Variants in P3H2 observed in about 807,000 individuals in gnomAD.
P3H2 encodes the protein prolyl 3-hydroxylase 2.
P3H2 carries 80 observed loss-of-function variants against 87.0 expected under a neutral mutation model. That is an observed-to-expected ratio of 0.92 (90% CI 0.77 to 1.11). The LOEUF (loss-of-function observed/expected upper bound fraction) is 1.11. Ranked by LOEUF, P3H2 falls within the 50% of genes least tolerant of loss-of-function variation. P3H2 has a pLI of 0.00. For missense variants in P3H2, 1,001 were observed against 923.9 expected (o/e 1.08, Z -1.08); for synonymous variants, 367 against 359.3 (o/e 1.02, Z -0.24).
chr3:190,095,590 G>T (rs1394248425), intron 1 of P3H2, among the ~76,000 whole-genome samples: 23 of 147,066 alleles, frequency 1.6e-4, no homozygotes, highest in African/African-American at 5.1e-4. Context: ...AAAACAAGTT[G>T]TGATTCCTTT....
chr3:189,995,588 A>G, intron 1 of P3H2, 146 bp from the exon 2 acceptor site: 1 of 809,190 alleles, frequency 1.2e-6, no homozygotes, highest in South Asian at 1.7e-5. Flanking sequence ...AGGCAATAAA[A>G]ACAAAATAAA....
At chr3:190,000,622 C>A (rs1317136750) in intron 1 of P3H2, among the ~76,000 whole-genome samples, 1 of 152,058 alleles carries the variant, frequency 6.6e-6, no homozygotes. Flanking sequence ...TGAGCTGAGA[C>A]CTAAAAGTTG....
chr3:190,051,779 C>G (rs906450595), intron 1 of P3H2, among the ~76,000 whole-genome samples: 67 of 152,170 alleles, frequency 4.4e-4, no homozygotes, highest in Admixed American at 4.2e-3. Context: ...GGTTAGGATC[C>G]CCCAAGAAAG....
At chr3:190,028,328 T>C (rs1256399311) in intron 1 of P3H2, among the ~76,000 whole-genome samples, 2 of 152,206 alleles carry the variant, frequency 1.3e-5, no homozygotes, top group African/African-American at 4.8e-5. Flanking sequence ...TACACATGAC[T>C]GATATTCCCC....
chr3:189,995,964 G>A (rs116045375), intron 1 of P3H2, among the ~76,000 whole-genome samples: 2,713 of 152,274 alleles, frequency 0.018, 70 homozygotes, highest in African/African-American at 0.062. Flanking sequence ...GATAACAAGT[G>A]TTGACAAGGA....
intron 6 of P3H2, 25 bp downstream of exon 6, chr3:189,986,763 A>G (rs1723712983): frequency 6.8e-7 from 1 of 1,480,102 alleles, no homozygotes; most frequent in Non-Finnish European, 9.4e-7. Flanking sequence ...CATTATTTTA[A>G]TAAACGTTTC....
At chr3:190,073,738 G>A (rs1339704834) in intron 1 of P3H2, among the ~76,000 whole-genome samples, 4 of 152,142 alleles carry the variant, frequency 2.6e-5, no homozygotes, top group Non-Finnish European at 5.9e-5. Context: ...TCCAATAAAT[G>A]TATGCTTTTA....
In P3H2 at chr3:189,993,120, C is replaced by G. The variant is rs981090519; in HGVS notation, c.823+974G>C. Among the ~76,000 whole-genome samples the G allele has an allele frequency of 3.7e-4, 56 of 151,940 alleles. 1 individual carries two copies. The highest frequency in any genetic ancestry group is 4.4e-5 in the Non-Finnish European group (3 of 67,994). Reference sequence around the variant, plus strand: ...GGCGGATTACCTGAGGTCAGGAGATCGAGACCAGCCTGGCCAACATGGAGA... The same window carrying G: ...GGCGGATTACCTGAGGTCAGGAGATGGAGACCAGCCTGGCCAACATGGAGA... On this transcript the variant is annotated intron_variant, in intron 3 of 14. Transcript: ENST00000319332.
intron 1 of P3H2, among the ~76,000 whole-genome samples, chr3:190,095,428 A>G (rs946009229): frequency 6.8e-6 from 1 of 147,164 alleles, no homozygotes; most frequent in Non-Finnish European, 1.5e-5. Flanking sequence ...CATTTTGCTT[A>G]CAATTCTGCA....
At chr3:190,031,436 G>A (rs905313060) in intron 1 of P3H2, among the ~76,000 whole-genome samples, 1 of 55,768 alleles carries the variant, frequency 1.8e-5, no homozygotes, top group Non-Finnish European at 3.7e-5. Flanking sequence ...TCAGGAGTTC[G>A]AGACGAGTCT....
At chr3:190,089,738 C>T (rs1284238991) in intron 1 of P3H2, among the ~76,000 whole-genome samples, 4 of 152,150 alleles carry the variant, frequency 2.6e-5, no homozygotes, top group African/African-American at 4.8e-5. Context: ...GTTGTCATGC[C>T]GGACTTTCCA....
At chr3:190,024,935 T>C (rs539649624) in intron 1 of P3H2, among the ~76,000 whole-genome samples, 1 of 152,248 alleles carries the variant, frequency 6.6e-6, no homozygotes, top group South Asian at 2.1e-4. Context: ...AGTACTTTTG[T>C]CCTTGATACC....
chr3:189,982,254 C>T (rs1031171888), intron 8 of P3H2, among the ~76,000 whole-genome samples: 2 of 152,140 alleles, frequency 1.3e-5, no homozygotes, highest in Non-Finnish European at 2.9e-5. Context: ...TAAATCTTCC[C>T]ACATGAGATG....
intron 2 of P3H2, 117 bp downstream of exon 2, chr3:189,995,173 A>T: frequency 1.1e-6 from 1 of 945,160 alleles, no homozygotes; most frequent in Non-Finnish European, 1.6e-6. Flanking sequence ...CAAAAATGTT[A>T]CTAAAATTTG....
intron 1 of P3H2, among the ~76,000 whole-genome samples, chr3:190,072,928 C>T (rs1726752952): frequency 6.6e-6 from 1 of 152,138 alleles, no homozygotes; most frequent in South Asian, 2.1e-4. Flanking sequence ...CTACCATGAA[C>T]ATAAATTATT....
intron 1 of P3H2, among the ~76,000 whole-genome samples, chr3:190,053,163 T>C (rs1474766132): frequency 6.6e-6 from 1 of 152,174 alleles, no homozygotes; most frequent in East Asian, 1.9e-4. Flanking sequence ...GAGGGCCGCT[T>C]GTTTCCAATT....
chr3:190,059,977 T>G (rs547593017), intron 1 of P3H2, among the ~76,000 whole-genome samples: 1 of 152,318 alleles, frequency 6.6e-6, no homozygotes, highest in East Asian at 1.9e-4. Context: ...CAGGAAATTT[T>G]TCCAGGTATC....
chr3:190,081,335 G>C (rs1727036187), intron 1 of P3H2, among the ~76,000 whole-genome samples: 1 of 151,910 alleles, frequency 6.6e-6, no homozygotes, highest in Non-Finnish European at 1.5e-5. Context: ...TTCTTACTTT[G>C]GTATATAATT....
chr3:190,049,990 G>A lies in P3H2; in HGVS notation c.481-54548C>T, dbSNP rs138454022. Among the ~76,000 whole-genome samples, 5 of 152,316 alleles carry A rather than the reference G, an allele frequency of 3.3e-5. No homozygotes were observed. In the East Asian group the frequency reaches 9.7e-4, roughly 29 times the overall value. On this transcript the variant is annotated intron_variant, in intron 1 of 14. Transcript: ENST00000319332. The stretch of plus-strand genomic sequence containing the variant: ...AATATTCAAGAGGTCAACATACTCT[G>A]TAATATCTCTCAAAGCTGGTTGACC...
Sources: gnomAD v4.1 joint callset for allele counts (sites outside exome capture counted in the v4.1 genomes callset) on GRCh38, gnomAD v4.1.1 for gene constraint, MANE v1.5 for transcripts, NCBI Gene and HGNC (gene_info 2026-07-23, HGNC 2026-07-21) for gene names.